GALNS: variants seen among roughly 807,000 people sequenced by gnomAD.
GALNS encodes the protein galactosamine (N-acetyl)-6-sulfatase, also known as N-acetylgalactosamine-6-sulfatase.
A neutral mutation model predicts 65.9 loss-of-function variants in GALNS; 65 were observed. That is an observed-to-expected ratio of 0.99 (90% CI 0.81 to 1.21). The LOEUF is 1.21. Ranked by LOEUF, GALNS falls within the 50% of genes most tolerant of loss-of-function variation. The pLI is 0.00. For missense variants in GALNS, 776 were observed against 700.7 expected (o/e 1.11, Z -1.21); for synonymous variants, 346 against 288.9 (o/e 1.20, Z -2.00).
chr16:88,814,255 A>G lies in GALNS; in HGVS notation c.*184T>C. On this transcript the variant is annotated 3_prime_UTR_variant, in exon 14 of 14. Transcript: ENST00000268695. ...ATCTGAGGCGCCGTGGGCGAGGAGG[A>G]GGGCCAAGCACACGCCAGGGTCAGG... 2 of 782,166 alleles carry G rather than the reference A, an allele frequency of 2.6e-6. No homozygotes were observed. Among genetic ancestry groups the G allele is most frequent in the Non-Finnish European group, 4.2e-6 (2 of 472,640 alleles). 48.5% of individuals were successfully genotyped at this position (782,166 alleles called of 1,614,324 possible). A position where few individuals can be genotyped will look rare whatever the true frequency, so the allele number is the denominator to read the frequency against.
rs763370159 is a variant in GALNS, at chr16:88,831,952, G to A, written c.1002+46C>T. The A allele has an allele frequency of 4.5e-6, 7 of 1,544,050 alleles. No individual in the cohort carries two copies. In the Admixed American group the frequency reaches 5.1e-5, roughly 11 times the overall value. ...GGGGCGCACACACCCTGGGATGGCT[G>A]CAGGCCTGGACCTGCTGCCCGGCAG... is the stretch of plus-strand genomic sequence containing the variant. On this transcript the variant is annotated intron_variant, in intron 9 of 13. Transcript: ENST00000268695.
chr16:88,855,040 C>A, intron 1 of GALNS: 1 of 375,772 alleles, frequency 2.7e-6, no homozygotes, highest in Non-Finnish European at 5.2e-6. Flanking sequence ...CGGCCTGAAC[C>A]CTTGCTGTCC....
chr16:88,814,472 T>C lies in GALNS; in HGVS notation c.1536A>G (p.Glu512=), dbSNP rs762774707. The change falls in exon 14 of 14, where the codon GAA becomes GAG. Residue 512 remains glutamate, a synonymous_variant. Coordinates refer to ENST00000268695, the MANE Select transcript of GALNS (RefSeq NM_000512.5). ...EKLGKCLTPP[E]SIPKKCLWSH ...ACCAGAGGCACTTCTTGGGAATGGA[T>C]TCTGGAGGTGTCAGACACTTCCCTA... 3 of 1,563,986 alleles carry C rather than the reference T, an allele frequency of 1.9e-6. No homozygotes were observed. The highest frequency in any genetic ancestry group is 2.6e-6 in the Non-Finnish European group (3 of 1,153,564).
At chr16:88,852,553 T>G (rs1281594724) in intron 1 of GALNS, among the ~76,000 whole-genome samples, 1 of 152,194 alleles carries the variant, frequency 6.6e-6, no homozygotes, top group Non-Finnish European at 1.5e-5. Flanking sequence ...CTGACAGAAG[T>G]AGGCTTCAGA....
At chr16:88,851,060 C>G (rs1362615472) in intron 1 of GALNS, among the ~76,000 whole-genome samples, 2 of 142,642 alleles carry the variant, frequency 1.4e-5, no homozygotes, top group Non-Finnish European at 3.2e-5. Flanking sequence ...TGGGCCAGCT[C>G]TCATCTGCTG....
Position 88,824,886 on chromosome 16 carries a change from G to A in GALNS, c.1140-17C>T, listed in dbSNP as rs1478881249. The A allele has an allele frequency of 6.2e-7, 1 of 1,608,958 alleles. No individual in the cohort carries two copies. Among genetic ancestry groups the A allele is most frequent in the South Asian group, 1.1e-5 (1 of 91,000 alleles). The stretch of plus-strand genomic sequence containing the variant: ...AAGATAGGCCTGTGGGATGGGAGGG[G>A]AGGACCATGTAATGACAGGAAGGAC... On this transcript the variant is annotated splice_polypyrimidine_tract_variant and intron_variant, in intron 10 of 13. Coordinates refer to ENST00000268695, the MANE Select transcript of GALNS (RefSeq NM_000512.5).
chr16:88,820,415 C>G (rs1910083106), intron 12 of GALNS, among the ~76,000 whole-genome samples: 3 of 152,256 alleles, frequency 2.0e-5, no homozygotes, highest in Admixed American at 2.0e-4. Flanking sequence ...AGGCATGAAC[C>G]ATGGCGACCG....
intron 10 of GALNS, among the ~76,000 whole-genome samples, 187 bp from the exon 11 acceptor site, chr16:88,825,056 G>GGGCTGGAGCTCCTGGGTGGCCA (rs1567519586): frequency 2.1e-5 from 3 of 145,210 alleles, no homozygotes; most frequent in Non-Finnish European, 4.5e-5. Flanking sequence ...CTGGGCGGCC[G>GGGCTGGAGCTCCTGGGTGGCCA]GGGCTGGAGC....
At chr16:88,845,054 C>T (rs548673150) in intron 1 of GALNS, 3 of 152,302 alleles carry the variant, frequency 2.0e-5, no homozygotes, top group East Asian at 3.9e-4. Context: ...GTTTAAAAAA[C>T]GGCAGGTGGT....
chr16:88,816,861 C>T (rs1205206983), intron 13 of GALNS: 1 of 985,346 alleles, frequency 1.0e-6, no homozygotes, highest in East Asian at 1.1e-4. Context: ...GGCCTTCTTC[C>T]CGAATCCTGC....
chr16:88,834,435 C>T (rs1475397509), intron 8 of GALNS, among the ~76,000 whole-genome samples: 1 of 87,110 alleles, frequency 1.1e-5, no homozygotes, highest in African/African-American at 5.1e-5. Flanking sequence ...CCCCCCTCAG[C>T]GTGGTCTGGG....
In GALNS at chr16:88,814,087, G is replaced by T; in HGVS notation, c.*352C>A. 1 of 402,146 alleles carries T rather than the reference G, an allele frequency of 2.5e-6. No individual in the cohort carries two copies. The highest frequency in any genetic ancestry group is 5.5e-5 in the East Asian group (1 of 18,210). The allele number at this position is 402,146 out of a possible 1,614,324, so 24.9% of individuals were successfully genotyped here. A position where few individuals can be genotyped will look rare whatever the true frequency, so the allele number is the denominator to read the frequency against. ...CAGCCACCTCAGGCACCTGTTGTCA[G>T]GACCTCCTGAGGCTGTCACAGGTGC... On this transcript the variant is annotated 3_prime_UTR_variant, in exon 14 of 14. Transcript: ENST00000268695.
rs1483425733 is a variant in GALNS at position 88,834,320 on chromosome 16, CTCT to C, written c.898+890_898+892del. Among the ~76,000 whole-genome samples, 557 of 138,752 alleles carry C rather than the reference CTCT, an allele frequency of 4.0e-3. 5 individuals carry two copies. Among genetic ancestry groups the C allele is most frequent in the South Asian group, 8.0e-3 (32 of 3,982 alleles). The allele number at this position is 138,752 out of a possible 152,430, so 91.0% of individuals were successfully genotyped here. A position where few individuals can be genotyped will look rare whatever the true frequency, so the allele number is the denominator to read the frequency against. On this transcript the variant is annotated intron_variant, in intron 8 of 13. Transcript: ENST00000268695. The stretch of plus-strand genomic sequence containing the variant: ...CATGGTCTGGGACGAGGCTGTAGGG[CTCT>C]CCCCACCACGTGGTCTGGGAAGAGG...
intron 1 of GALNS, among the ~76,000 whole-genome samples, chr16:88,848,008 C>A (rs1461082884): frequency 2.0e-5 from 3 of 152,246 alleles, no homozygotes; most frequent in Non-Finnish European, 4.4e-5. Flanking sequence ...GACCATGACT[C>A]AGCCACGAAA....
chr16:88,827,109 A>G (rs1002179453), intron 9 of GALNS: 1 of 564,944 alleles, frequency 1.8e-6, no homozygotes, highest in South Asian at 2.0e-5. Context: ...AAGGAGAATC[A>G]CAGCCCTCCC....
intron 1 of GALNS, chr16:88,856,270 G>A (rs1334290827): frequency 4.3e-6 from 3 of 702,926 alleles, no homozygotes; most frequent in East Asian, 2.7e-5. Context: ...CCAGCGGGGG[G>A]ACCCGGCGGC....
chr16:88,843,364 C>T, intron 1 of GALNS: 1 of 498,986 alleles, frequency 2.0e-6, no homozygotes, highest in South Asian at 1.8e-5. Context: ...CTTACGTCCA[C>T]ACGCAGGCCT....
At chr16:88,828,530 G>A (rs572213837) in intron 9 of GALNS, among the ~76,000 whole-genome samples, 2 of 152,326 alleles carry the variant, frequency 1.3e-5, no homozygotes, top group East Asian at 3.9e-4. Flanking sequence ...AAACCCCGTC[G>A]TGGTGTCCTG....
Position 88,842,592 on chromosome 16 carries a change from T to A in GALNS, c.244+114A>T, listed in dbSNP as rs1967025521. On this transcript the variant is annotated intron_variant, in intron 2 of 13. Transcript: ENST00000268695. ...AGCCCACCTGCCACCCTCCCTGCAGTAGTAGGAATAGACAAGGTTGATGCA... is the reference window on the plus strand; with the variant it reads ...AGCCCACCTGCCACCCTCCCTGCAGAAGTAGGAATAGACAAGGTTGATGCA... The A allele has an allele frequency of 4.6e-6, 6 of 1,298,490 alleles. No homozygotes were observed. The Admixed American group carries it at 1.0e-4, about 22-fold the overall frequency. The allele number at this position is 1,298,490 out of a possible 1,614,324, so 80.4% of individuals were successfully genotyped here.
Sources: gnomAD v4.1 joint callset for allele counts (sites outside exome capture counted in the v4.1 genomes callset) on GRCh38, gnomAD v4.1.1 for gene constraint, MANE v1.5 for transcripts, NCBI Gene and HGNC (gene_info 2026-07-23, HGNC 2026-07-21) for gene names.